The following NEGR1 variants were observed in gnomAD, a reference collection of about 807,000 sequenced individuals.
The protein encoded by NEGR1 is neuronal growth regulator 1.
NEGR1 carries 10 observed loss-of-function variants against 40.9 expected under a neutral mutation model. The observed-to-expected ratio is 0.24, with a 90% confidence interval of 0.15 to 0.42. The LOEUF (loss-of-function observed/expected upper bound fraction) is 0.42, where lower values mean the gene tolerates loss of function less well. Ranked by LOEUF, NEGR1 falls within the 10% of genes least tolerant of loss-of-function variation. The pLI, the probability that NEGR1 is intolerant of heterozygous loss-of-function variation, is 1.00. For synonymous variants in NEGR1, 185 were observed against 166.8 expected (o/e 1.11, Z -0.84); for missense variants, 352 against 438.9 (o/e 0.80, Z 1.77).
At chr1:72,124,884 A>G (rs1649949461) in intron 1 of NEGR1, among the ~76,000 whole-genome samples, 1 of 152,150 alleles carries the variant, frequency 6.6e-6, no homozygotes, top group Non-Finnish European at 1.5e-5. Context: ...TGATTTTAAA[A>G]GACTATAATT....
intron 4 of NEGR1, among the ~76,000 whole-genome samples, chr1:71,626,916 C>T (rs1650803986): frequency 6.6e-6 from 1 of 152,124 alleles, no homozygotes; most frequent in African/African-American, 2.4e-5. Flanking sequence ...CACTGGCCAT[C>T]AGAGAAATGC....
intron 1 of NEGR1, among the ~76,000 whole-genome samples, chr1:72,020,682 CAG>C (rs1384701436): frequency 2.0e-5 from 3 of 152,102 alleles, no homozygotes; most frequent in South Asian, 2.1e-4. Flanking sequence ...CATACCAAAA[CAG>C]ACGACTACAA....
intron 1 of NEGR1, among the ~76,000 whole-genome samples, chr1:72,101,277 A>C (rs1648927277): frequency 1.3e-5 from 2 of 152,208 alleles, no homozygotes; most frequent in Admixed American, 1.3e-4. Flanking sequence ...CACAGTGAAA[A>C]CTAGTTAAGT....
intron 6 of NEGR1, among the ~76,000 whole-genome samples, chr1:71,454,469 A>G (rs1241949535): frequency 1.3e-5 from 2 of 152,120 alleles, no homozygotes; most frequent in Non-Finnish European, 2.9e-5. Context: ...CTGACATCCA[A>G]TCATGACATT....
rs1158482296 is a variant in NEGR1 at position 72,282,537 on chromosome 1, C to T, written c.-43G>A. ...ACTCTCCAGCAGCTTTCAGCTCGCACTCCCCCACCCCCTGGTGCTGGCGAG... is the reference window on the plus strand; with the variant it reads ...ACTCTCCAGCAGCTTTCAGCTCGCATTCCCCCACCCCCTGGTGCTGGCGAG... On this transcript the variant is annotated 5_prime_UTR_variant, in exon 1 of 7. In the 5' UTR this introduces an upstream ATG that the reference lacks. Coordinates refer to ENST00000357731, the MANE Select transcript of NEGR1 (RefSeq NM_173808.3). The T allele has an allele frequency of 6.5e-7, 1 of 1,528,920 alleles. No homozygotes were observed. The highest frequency in any genetic ancestry group is 1.3e-5 in the South Asian group (1 of 77,996). 94.7% of individuals were successfully genotyped at this position (1,528,920 alleles called of 1,614,324 possible).
Position 71,593,093 on chromosome 1 carries a change from T to A in NEGR1, c.789-125A>T, listed in dbSNP as rs998459827. 26 of 555,666 alleles carry A rather than the reference T, an allele frequency of 4.7e-5. No individual in the cohort carries two copies. In the Middle Eastern group the frequency reaches 2.4e-3, roughly 51 times the overall value. The allele number at this position is 555,666 out of a possible 1,614,324, so 34.4% of individuals were successfully genotyped here. A position where few individuals can be genotyped will look rare whatever the true frequency, so the allele number is the denominator to read the frequency against. On this transcript the variant is annotated intron_variant, in intron 5 of 6. Transcript: ENST00000357731. ...ACTACGCTGACGTTAGCATATAACGTGATAATGGTGCAATTTACATTTCAC... is the reference window on the plus strand; with the variant it reads ...ACTACGCTGACGTTAGCATATAACGAGATAATGGTGCAATTTACATTTCAC...
At chr1:71,594,255 G>A (rs1455015306) in intron 5 of NEGR1, among the ~76,000 whole-genome samples, 1 of 152,046 alleles carries the variant, frequency 6.6e-6, no homozygotes, top group African/African-American at 2.4e-5. Flanking sequence ...TCACAACATA[G>A]GCTATGTAAA....
At chr1:72,191,173 T>A (rs1014960405) in intron 1 of NEGR1, among the ~76,000 whole-genome samples, 9 of 151,768 alleles carry the variant, frequency 5.9e-5, no homozygotes, top group African/African-American at 2.2e-4. Flanking sequence ...AATGTTCTAG[T>A]AACATTCTCC....
intron 3 of NEGR1, among the ~76,000 whole-genome samples, chr1:71,737,452 T>A (rs1020885226): frequency 2.2e-4 from 33 of 152,084 alleles, no homozygotes; most frequent in African/African-American, 6.5e-4. Flanking sequence ...GTTTTTGTTG[T>A]AGCAACAAAG....
At chr1:71,542,534 T>C (rs1209790269) in intron 6 of NEGR1, among the ~76,000 whole-genome samples, 1 of 151,708 alleles carries the variant, frequency 6.6e-6, no homozygotes, top group African/African-American at 2.4e-5. Context: ...CATCAGTTCC[T>C]CCTATTGAGA....
chr1:71,579,004 C>A (rs975138507), intron 6 of NEGR1, among the ~76,000 whole-genome samples: 10 of 152,166 alleles, frequency 6.6e-5, no homozygotes, highest in African/African-American at 2.4e-4. Flanking sequence ...ATTTCACATG[C>A]ATTATGACAC....
intron 1 of NEGR1, among the ~76,000 whole-genome samples, chr1:72,102,029 C>A (rs1301585555): frequency 6.6e-6 from 1 of 151,972 alleles, no homozygotes; most frequent in East Asian, 1.9e-4. Context: ...AGGCTCCCAC[C>A]TGAATTGTTA....
At chr1:71,509,313 C>T (rs72936171) in intron 6 of NEGR1, among the ~76,000 whole-genome samples, 5,893 of 152,272 alleles carry the variant, frequency 0.039, 370 homozygotes, top group African/African-American at 0.13. Context: ...CTCTTTCCCA[C>T]ATTGCAGAGG....
intron 6 of NEGR1, among the ~76,000 whole-genome samples, chr1:71,573,970 T>C (rs1053619104): frequency 3.3e-5 from 5 of 152,224 alleles, no homozygotes; most frequent in Non-Finnish European, 7.3e-5. Flanking sequence ...ATGGGTCTCT[T>C]GCACTGCTGC....
chr1:71,926,658 T>TC (rs1048075285), intron 2 of NEGR1, among the ~76,000 whole-genome samples: 19 of 151,470 alleles, frequency 1.3e-4, no homozygotes, highest in Admixed American at 2.6e-4. Flanking sequence ...TGATTTTTTT[T>TC]TTTGGCTCTT....
rs540078929 is a variant in NEGR1 at position 71,594,123 on chromosome 1, G to A, written c.789-1155C>T. Among the ~76,000 whole-genome samples the A allele has an allele frequency of 5.9e-5, 9 of 152,208 alleles. No homozygotes were observed. In the South Asian group the frequency reaches 6.2e-4, roughly 11 times the overall value. ...CCCCAACATAGGCATTAGTAAGCCC[G>A]CTTCAGTCACCTCTTCAAGAAATTA... On this transcript the variant is annotated intron_variant, in intron 5 of 6. Coordinates refer to ENST00000357731, the MANE Select transcript of NEGR1 (RefSeq NM_173808.3).
At chr1:72,035,777 C>G (rs1398376005) in intron 1 of NEGR1, among the ~76,000 whole-genome samples, 1 of 152,058 alleles carries the variant, frequency 6.6e-6, no homozygotes, top group Non-Finnish European at 1.5e-5. Flanking sequence ...TAAATCTGCA[C>G]AAAAACTCAA....
intron 1 of NEGR1, among the ~76,000 whole-genome samples, chr1:72,267,108 A>C (rs976708751): frequency 3.3e-5 from 5 of 151,054 alleles, no homozygotes; most frequent in African/African-American, 1.2e-4. Flanking sequence ...AGGAGCTTCC[A>C]ACGTTTACCT....
intron 3 of NEGR1, among the ~76,000 whole-genome samples, chr1:71,775,143 T>A (rs1570329307): frequency 6.6e-6 from 1 of 152,204 alleles, no homozygotes; most frequent in Non-Finnish European, 1.5e-5. Flanking sequence ...CTTTAGCGGT[T>A]CATGCTGACC....
Sources: allele counts gnomAD v4.1 joint callset (sites outside exome capture counted in the v4.1 genomes callset), GRCh38; gene constraint gnomAD v4.1.1; transcripts MANE v1.5; gene names NCBI Gene and HGNC (gene_info 2026-07-23, HGNC 2026-07-21).